Variants in LGR6 observed in about 807,000 individuals in gnomAD.
LGR6 encodes the protein leucine-rich repeat-containing G protein-coupled receptor 6.
Under a neutral mutation model 69.4 loss-of-function variants are expected in LGR6, and 45 were observed. The ratio of observed to expected loss-of-function variants is 0.65; its 90% confidence interval spans 0.51 to 0.83. LGR6 has a LOEUF of 0.83. LGR6 is among the 40% of genes least tolerant of loss of function. The pLI, the probability that LGR6 is intolerant of heterozygous loss-of-function variation, is 0.00. For synonymous variants in LGR6, 538 were observed against 555.0 expected, an observed-to-expected ratio of 0.97 and a Z score of 0.43; for missense variants, 1,108 against 1,246.7, an observed-to-expected ratio of 0.89 and a Z score of 1.68.
At chr1:202,241,832 C>T (rs1427425190) in intron 4 of LGR6, among the ~76,000 whole-genome samples, 1 of 151,902 alleles carries the variant, frequency 6.6e-6, no homozygotes, top group Non-Finnish European at 1.5e-5. Flanking sequence ...AACCTGGATA[C>T]TCTAGGGGGG....
chr1:202,291,893 C>T (rs1571977707), intron 6 of LGR6, among the ~76,000 whole-genome samples: 1 of 152,160 alleles, frequency 6.6e-6, no homozygotes, highest in Non-Finnish European at 1.5e-5. Flanking sequence ...GCTATGCATG[C>T]AGAGGACGAA....
At chr1:202,295,327 C>CAA (rs58243962) in intron 6 of LGR6, among the ~76,000 whole-genome samples, 4,009 of 44,346 alleles carry the variant, frequency 0.09, 178 homozygotes, top group South Asian at 0.2. Flanking sequence ...GACTCCATCT[C>CAA]AAAAAAAAAA....
At chr1:202,263,930 T>G (rs970800216) in intron 4 of LGR6, among the ~76,000 whole-genome samples, 8 of 151,994 alleles carry the variant, frequency 5.3e-5, no homozygotes, top group African/African-American at 1.7e-4. Flanking sequence ...GCCAAAGAGT[T>G]TGGGGTTGAC....
At chr1:202,247,603 A>G (rs1662829653) in intron 4 of LGR6, among the ~76,000 whole-genome samples, 1 of 152,204 alleles carries the variant, frequency 6.6e-6, no homozygotes, top group African/African-American at 2.4e-5. Context: ...GAAAGGTACT[A>G]GATAACCTTT....
chr1:202,217,379 G>A (rs914329916), intron 1 of LGR6, among the ~76,000 whole-genome samples: 1 of 152,220 alleles, frequency 6.6e-6, no homozygotes, highest in Admixed American at 6.5e-5. Context: ...ACACCACATC[G>A]ATGAAACACC....
intron 1 of LGR6, among the ~76,000 whole-genome samples, chr1:202,223,969 G>A (rs968372729): frequency 1.3e-5 from 2 of 151,826 alleles, no homozygotes; most frequent in Non-Finnish European, 2.9e-5. Context: ...TTATTAGGCA[G>A]TCTGTAAGCA....
In LGR6 at chr1:202,232,093, C is replaced by T. The variant is rs530590453; in HGVS notation, c.357-3829C>T. On this transcript the variant is annotated intron_variant, in intron 3 of 17. Coordinates refer to ENST00000367278, the MANE Select transcript of LGR6 (RefSeq NM_001017403.2). ...TCCAGCCTGGACAACAAGAGCAAAA[C>T]GCCGTCTCAAAAAAAAAAAAAAGCA... Among the ~76,000 whole-genome samples the T allele has an allele frequency of 5.4e-4, 47 of 86,294 alleles. No individual in the cohort carries two copies. The South Asian group carries it at 8.4e-3, about 15-fold the overall frequency. The allele number at this position is 86,294 out of a possible 152,430, so 56.6% of individuals were successfully genotyped here.
At chr1:202,317,426 C>A (rs1367296210) in intron 17 of LGR6, among the ~76,000 whole-genome samples, 1 of 151,690 alleles carries the variant, frequency 6.6e-6, no homozygotes, top group East Asian at 1.9e-4. Flanking sequence ...CTCACTGCAA[C>A]CTCCGTCCCC....
At chr1:202,253,620 CTTTTT>C (rs71141468) in intron 4 of LGR6, among the ~76,000 whole-genome samples, 1 of 52,460 alleles carries the variant, frequency 1.9e-5, no homozygotes, top group Non-Finnish European at 3.6e-5. Context: ...TCCTACTATT[CTTTTT>C]TTTTTTTTTT....
chr1:202,312,330 T>C (rs1313240098), intron 16 of LGR6, among the ~76,000 whole-genome samples: 3 of 152,220 alleles, frequency 2.0e-5, no homozygotes, highest in East Asian at 3.8e-4. Flanking sequence ...TTCATGCATT[T>C]TGATTTCAAA....
intron 4 of LGR6, among the ~76,000 whole-genome samples, chr1:202,248,858 C>T (rs1662984069): frequency 6.6e-6 from 1 of 152,156 alleles, no homozygotes; most frequent in Non-Finnish European, 1.5e-5. Context: ...GTGGGGAGTG[C>T]AGCACCTTTC....
At chr1:202,251,019 T>G (rs1374578727) in intron 4 of LGR6, among the ~76,000 whole-genome samples, 3 of 152,152 alleles carry the variant, frequency 2.0e-5, no homozygotes, top group Non-Finnish European at 4.4e-5. Context: ...CCCTGCCCGC[T>G]CTCTGCTGTC....
chr1:202,245,405 A>G (rs892054471), intron 4 of LGR6, among the ~76,000 whole-genome samples: 3 of 152,090 alleles, frequency 2.0e-5, no homozygotes, highest in African/African-American at 7.2e-5. Flanking sequence ...GGGCTGGGCC[A>G]GGGGATCAGG....
chr1:202,196,909 G>A, intron 1 of LGR6: 1 of 424,858 alleles, frequency 2.4e-6, no homozygotes, highest in Admixed American at 2.8e-5. Flanking sequence ...CTGGGGACTT[G>A]GAGCCCAACC....
intron 3 of LGR6, among the ~76,000 whole-genome samples, chr1:202,228,356 G>A (rs1231328751): frequency 6.6e-6 from 1 of 152,112 alleles, no homozygotes; most frequent in African/African-American, 2.4e-5. Flanking sequence ...CCCAAGAGAC[G>A]GATAAGACTG....
At chr1:202,295,200 C>T (rs994061187) in intron 6 of LGR6, among the ~76,000 whole-genome samples, 6 of 151,816 alleles carry the variant, frequency 4.0e-5, no homozygotes, top group Admixed American at 3.3e-4. Flanking sequence ...TGGTGGCACA[C>T]GCCTGTAATC....
intron 1 of LGR6, among the ~76,000 whole-genome samples, chr1:202,204,413 C>T (rs1658970282): frequency 8.6e-6 from 1 of 116,256 alleles, no homozygotes; most frequent in African/African-American, 3.3e-5. Context: ...CAAACACACA[C>T]CACACACACA....
At chr1:202,280,916 T>C in intron 6 of LGR6, 64 bp downstream of exon 6, 2 of 1,461,648 alleles carry the variant, frequency 1.4e-6, no homozygotes, top group Non-Finnish European at 1.9e-6. Context: ...AGTCTTGGAG[T>C]GGAGGGAGCA....
At chr1:202,203,906 T>TG in intron 1 of LGR6, 2 of 1,541,340 alleles carry the variant, frequency 1.3e-6, no homozygotes, top group Non-Finnish European at 9.0e-7. Flanking sequence ...AGATCCTCCT[T>TG]GGGGGGTGTT....
Sources: allele counts gnomAD v4.1 joint callset (sites outside exome capture counted in the v4.1 genomes callset), GRCh38; gene constraint gnomAD v4.1.1; transcripts MANE v1.5; gene names NCBI Gene and HGNC (gene_info 2026-07-23, HGNC 2026-07-21).